FRY: variants seen among roughly 807,000 people sequenced by gnomAD.
FRY encodes FRY microtubule binding protein, also known as protein furry homolog.
In FRY, 128 loss-of-function variants were observed where a neutral mutation model predicts 348.4. The observed-to-expected ratio is 0.37, with a 90% CI of 0.32 to 0.43. FRY has a LOEUF of 0.43. FRY is among the 20% of genes least tolerant of loss of function. The pLI is 1.00. For synonymous variants in FRY, 1,370 were observed against 1,374.7 expected (o/e 1.00, Z 0.08); for missense variants, 2,736 against 3,695.2 (o/e 0.74, Z 6.73).
Position 32,267,307 on chromosome 13 carries a change from C to T in FRY, c.8084C>T (p.Ser2695Leu). Residue 2695 changes from serine (S) to leucine (L), a missense_variant, in exon 55 of 61, where the codon TCA (serine) becomes TTA (leucine). Coordinates refer to ENST00000542859, the MANE Select transcript of FRY (RefSeq NM_023037.3). ...CACATCAACCAGCTTATGTGTGACT[C>T]AGATGGCTCCTGTGCTGTGTATACA... is the stretch of plus-strand genomic sequence containing the variant. ...RSHINQLMCD[S>L]DGSCAVYTFH... The T allele has an allele frequency of 6.2e-7, 1 of 1,614,190 alleles. No individual in the cohort carries two copies.
intron 57 of FRY, among the ~76,000 whole-genome samples, chr13:32,277,891 A>G (rs1199480920): frequency 2.0e-5 from 3 of 152,236 alleles, no homozygotes; most frequent in African/African-American, 7.2e-5. Flanking sequence ...TCAGTTCCTC[A>G]GTGCTCATTG....
chr13:32,286,326 A>G (rs1889049442), intron 58 of FRY, among the ~76,000 whole-genome samples: 1 of 152,188 alleles, frequency 6.6e-6, no homozygotes, highest in Admixed American at 6.5e-5. Flanking sequence ...AGAACCAGAT[A>G]TGTTGATGCA....
intron 28 of FRY, among the ~76,000 whole-genome samples, chr13:32,189,226 C>T (rs1883194716): frequency 2.0e-5 from 3 of 152,146 alleles, no homozygotes; most frequent in African/African-American, 2.4e-5. Flanking sequence ...ATTCATGTTA[C>T]TCTGATAGCG....
At chr13:32,112,122 G>C (rs80345966) in intron 3 of FRY, among the ~76,000 whole-genome samples, 3,723 of 152,264 alleles carry the variant, frequency 0.024, 57 homozygotes, top group Non-Finnish European at 0.037. Flanking sequence ...GGGCTTTTCA[G>C]GTTCCCACAA....
chr13:32,227,740 C>CATT (rs148850711), intron 39 of FRY, among the ~76,000 whole-genome samples: 1,655 of 150,702 alleles, frequency 0.011, 25 homozygotes, highest in African/African-American at 0.036. Flanking sequence ...AACAGGGTAT[C>CATT]ATTTCACATG....
intron 44 of FRY, among the ~76,000 whole-genome samples, chr13:32,238,878 A>G: frequency 6.6e-6 from 1 of 152,228 alleles, no homozygotes; most frequent in Non-Finnish European, 1.5e-5. Context: ...TAAGACTTAA[A>G]TTGGTTGGCC....
chr13:32,128,686 C>T (rs151317597), intron 7 of FRY, among the ~76,000 whole-genome samples: 2 of 152,264 alleles, frequency 1.3e-5, no homozygotes, highest in Non-Finnish European at 2.9e-5. Context: ...GCATTCACTG[C>T]CTAATTCACT....
intron 30 of FRY, 129 bp downstream of exon 30, chr13:32,202,169 A>C (rs2762035): frequency 0.4 from 320,420 of 806,782 alleles, 65,861 homozygotes; most frequent in Admixed American, 0.44. Flanking sequence ...GTGGCTATGA[A>C]GAGTGAGAAA....
At chr13:32,231,831 G>T (rs906964188) in intron 41 of FRY, among the ~76,000 whole-genome samples, 1 of 152,226 alleles carries the variant, frequency 6.6e-6, no homozygotes, top group African/African-American at 2.4e-5. Context: ...TCAGGTCCAA[G>T]TTGGCCTGGG....
At chr13:32,202,183 A>G in intron 30 of FRY, 143 bp downstream of exon 30, 2 of 794,144 alleles carry the variant, frequency 2.5e-6, no homozygotes, top group Admixed American at 1.9e-5. Flanking sequence ...TGAGAAAGTA[A>G]CTATATAATC....
chr13:32,077,845 A>G (rs1020183166), intron 1 of FRY, among the ~76,000 whole-genome samples: 6 of 152,210 alleles, frequency 3.9e-5, no homozygotes, highest in Non-Finnish European at 8.8e-5. Flanking sequence ...CTTAATCTCC[A>G]TATCCAGTTA....
chr13:32,125,911 G>A (rs1054597338), intron 7 of FRY, among the ~76,000 whole-genome samples: 2 of 152,088 alleles, frequency 1.3e-5, no homozygotes, highest in African/African-American at 4.8e-5. Flanking sequence ...AAGCTCAACC[G>A]CTGGTGGCAA....
chr13:32,080,766 T>C (rs1242455297), intron 2 of FRY, among the ~76,000 whole-genome samples: 4 of 152,094 alleles, frequency 2.6e-5, no homozygotes, highest in Non-Finnish European at 5.9e-5. Flanking sequence ...TGTGGGTCAG[T>C]TTAAAGAGAG....
intron 1 of FRY, among the ~76,000 whole-genome samples, chr13:32,059,198 G>T (rs937642170): frequency 6.6e-6 from 1 of 151,514 alleles, no homozygotes; most frequent in Non-Finnish European, 1.5e-5. Context: ...TTCCTACAAG[G>T]CTGTTTTAAG....
At chr13:32,038,805 A>G (rs1207307085) in intron 1 of FRY, among the ~76,000 whole-genome samples, 1 of 152,162 alleles carries the variant, frequency 6.6e-6, no homozygotes, top group Non-Finnish European at 1.5e-5. Flanking sequence ...TTTCTTGGTT[A>G]TTGCTCCAAC....
intron 23 of FRY, among the ~76,000 whole-genome samples, chr13:32,180,611 A>T (rs1178211829): frequency 6.6e-6 from 1 of 152,172 alleles, no homozygotes; most frequent in African/African-American, 2.4e-5. Context: ...TTATTTATTC[A>T]CATTTGCAAT....
chr13:32,228,416 C>CT (rs749659012), intron 39 of FRY, 40 bp from the exon 40 acceptor site: 9 of 1,446,988 alleles, frequency 6.2e-6, no homozygotes. Flanking sequence ...GACAAGCACA[C>CT]TGCCTAGTAC....
At chr13:32,088,987 A>G (rs1027158045) in intron 2 of FRY, among the ~76,000 whole-genome samples, 4 of 152,214 alleles carry the variant, frequency 2.6e-5, no homozygotes, top group African/African-American at 9.6e-5. Context: ...TTTTAGAGTG[A>G]CAGAAAATAC....
chr13:32,125,131 G>A, intron 7 of FRY, among the ~76,000 whole-genome samples: 1 of 152,336 alleles, frequency 6.6e-6, no homozygotes, highest in East Asian at 1.9e-4. Flanking sequence ...GGGGTGACCA[G>A]ATTACATTTC....
Sources: gnomAD v4.1 joint callset for allele counts (sites outside exome capture counted in the v4.1 genomes callset) on GRCh38, gnomAD v4.1.1 for gene constraint, MANE v1.5 for transcripts, NCBI Gene and HGNC (gene_info 2026-07-23, HGNC 2026-07-21) for gene names.